MAD1L1: variants seen among roughly 807,000 people sequenced by gnomAD.
MAD1L1 encodes mitotic spindle assembly checkpoint protein MAD1.
Under a neutral mutation model 96.9 loss-of-function variants are expected in MAD1L1, and 95 were observed. That is an observed-to-expected ratio of 0.98 (90% CI 0.83 to 1.16). MAD1L1 has a LOEUF of 1.16. Ranked by LOEUF, MAD1L1 falls within the 50% of genes most tolerant of loss-of-function variation. MAD1L1 has a pLI of 0.00. For missense variants in MAD1L1, 1,007 were observed against 954.4 expected (o/e 1.06, Z -0.73); for synonymous variants, 473 against 396.6 (o/e 1.19, Z -2.29).
chr7:2,164,269 C>A (rs1562745206), intron 10 of MAD1L1, among the ~76,000 whole-genome samples: 1 of 152,124 alleles, frequency 6.6e-6, no homozygotes, highest in Non-Finnish European at 1.5e-5. Context: ...CCGACTGATG[C>A]AAAGGAATGG....
intron 18 of MAD1L1, among the ~76,000 whole-genome samples, chr7:1,897,591 C>T (rs1327102689): frequency 1.3e-5 from 2 of 152,248 alleles, no homozygotes; most frequent in Admixed American, 6.5e-5. Flanking sequence ...CAACACATAA[C>T]ACCCCAATTT....
chr7:2,028,373 C>T (rs1017470086), intron 12 of MAD1L1, among the ~76,000 whole-genome samples: 3 of 144,520 alleles, frequency 2.1e-5, no homozygotes, highest in African/African-American at 5.2e-5. Flanking sequence ...TGCAGTGAGC[C>T]GAGATCATGC....
At chr7:2,216,116 A>C (rs2114994553) in intron 8 of MAD1L1, 41 bp downstream of exon 8, 1 of 1,608,642 alleles carries the variant, frequency 6.2e-7, no homozygotes, top group South Asian at 1.1e-5. Flanking sequence ...ACAAACCCAG[A>C]CTCACTCGAG....
intron 15 of MAD1L1, among the ~76,000 whole-genome samples, chr7:1,977,492 G>A (rs923269274): frequency 4.6e-5 from 7 of 152,130 alleles, no homozygotes; most frequent in African/African-American, 1.2e-4. Context: ...TCCTGCCTGC[G>A]CCTCTCCCTC....
At chr7:2,188,351 A>T (rs1020933156) in intron 10 of MAD1L1, among the ~76,000 whole-genome samples, 2 of 152,238 alleles carry the variant, frequency 1.3e-5, no homozygotes, top group Non-Finnish European at 2.9e-5. Flanking sequence ...TAAAATTCAT[A>T]TGGAATCTCA....
At chr7:1,906,998 G>T (rs568480410) in intron 17 of MAD1L1, among the ~76,000 whole-genome samples, 1 of 152,134 alleles carries the variant, frequency 6.6e-6, no homozygotes, top group Non-Finnish European at 1.5e-5. Context: ...AAGGCAGGCC[G>T]AAGAGAGGCC....
At chr7:1,880,702 G>A (rs772632157) in intron 18 of MAD1L1, among the ~76,000 whole-genome samples, 1 of 152,230 alleles carries the variant, frequency 6.6e-6, no homozygotes, top group Non-Finnish European at 1.5e-5. Context: ...AGTACGGTGT[G>A]GTCAGCAGAA....
At chr7:1,906,662 G>C (rs1263481922) in intron 17 of MAD1L1, among the ~76,000 whole-genome samples, 2 of 152,234 alleles carry the variant, frequency 1.3e-5, no homozygotes, top group Non-Finnish European at 2.9e-5. Flanking sequence ...GGCGCACCCT[G>C]AGCTCAGGTG....
chr7:2,125,427 T>C (rs55784840), intron 11 of MAD1L1, among the ~76,000 whole-genome samples: 4,022 of 152,118 alleles, frequency 0.026, 92 homozygotes, highest in South Asian at 0.069. Flanking sequence ...CTCAAAACAA[T>C]GGGTAGTGAT....
At chr7:2,225,733 G>A (rs1383831505) in intron 3 of MAD1L1, 183 bp from the exon 4 acceptor site, 2 of 635,378 alleles carry the variant, frequency 3.1e-6, no homozygotes, top group African/African-American at 1.8e-5. Flanking sequence ...AAACGGGAAG[G>A]TGAAAAAGCC....
chr7:2,166,237 T>C (rs962860600), intron 10 of MAD1L1, among the ~76,000 whole-genome samples: 11 of 152,198 alleles, frequency 7.2e-5, no homozygotes, highest in African/African-American at 2.7e-4. Context: ...CTCTGAGCTG[T>C]CCACAAGTCA....
At chr7:1,928,307 T>TCCC (rs2128459462) in intron 17 of MAD1L1, among the ~76,000 whole-genome samples, 1 of 148,878 alleles carries the variant, frequency 6.7e-6, no homozygotes. Flanking sequence ...CTGACACTGC[T>TCCC]CCCGACGACC....
chr7:2,225,864 G>A (rs1793867547), intron 3 of MAD1L1, among the ~76,000 whole-genome samples: 1 of 152,220 alleles, frequency 6.6e-6, no homozygotes, highest in African/African-American at 2.4e-5. Context: ...AGACGTAGGT[G>A]GCTGCATTCT....
rs200411813 is a variant in MAD1L1 at position 1,965,399 on chromosome 7, C to A, written c.1506-7680G>T. On this transcript the variant is annotated intron_variant, in intron 15 of 18. Coordinates refer to ENST00000265854, the MANE Select transcript of MAD1L1 (RefSeq NM_001013836.2). The stretch of plus-strand genomic sequence containing the variant: ...CAGACAGGGCTACAATGCCTGGACA[C>A]GTGCCCGGCTCTGGAAGGCCCACCG... Among the ~76,000 whole-genome samples, 9 of 152,224 alleles carry A rather than the reference C, an allele frequency of 5.9e-5. No individual in the cohort carries two copies. In the East Asian group the frequency reaches 1.7e-3, roughly 29 times the overall value.
chr7:1,992,682 G>T (rs536899820), intron 14 of MAD1L1, among the ~76,000 whole-genome samples: 42 of 152,332 alleles, frequency 2.8e-4, no homozygotes, highest in Non-Finnish European at 5.1e-4. Flanking sequence ...TCTGCTGGGG[G>T]AGCTTGGGGA....
intron 11 of MAD1L1, among the ~76,000 whole-genome samples, chr7:2,143,075 A>T (rs1562725804): frequency 6.6e-6 from 1 of 152,130 alleles, no homozygotes; most frequent in East Asian, 1.9e-4. Context: ...ACAGCAGGAC[A>T]CGGTGCCAGT....
At chr7:1,859,751 C>T (rs1347645725) in intron 18 of MAD1L1, among the ~76,000 whole-genome samples, 4 of 152,100 alleles carry the variant, frequency 2.6e-5, no homozygotes, top group African/African-American at 7.2e-5. Context: ...GCAGGGCGGC[C>T]TCTGTTCCCT....
In MAD1L1 at chr7:2,194,069, G is replaced by A. The variant is rs547622193; in HGVS notation, c.986+19143C>T. Among the ~76,000 whole-genome samples, 10 of 148,536 alleles carry A rather than the reference G, an allele frequency of 6.7e-5. No homozygotes were observed. The South Asian group carries it at 1.3e-3, about 19-fold the overall frequency. Reference sequence around the variant, plus strand: ...GGTGATCCTCCTGACTTGGCCTCTCGAGTTGTTGGGACCATGGGTGCGTGC... The same window carrying A: ...GGTGATCCTCCTGACTTGGCCTCTCAAGTTGTTGGGACCATGGGTGCGTGC... On this transcript the variant is annotated intron_variant, in intron 10 of 18. Transcript: ENST00000265854.
chr7:1,866,924 T>C (rs968983669), intron 18 of MAD1L1, among the ~76,000 whole-genome samples: 2 of 152,148 alleles, frequency 1.3e-5, no homozygotes, highest in Non-Finnish European at 2.9e-5. Context: ...CTGCTCTCCA[T>C]GCCCACAGCG....
Sources: allele counts gnomAD v4.1 joint callset (sites outside exome capture counted in the v4.1 genomes callset), GRCh38; gene constraint gnomAD v4.1.1; transcripts MANE v1.5; gene names NCBI Gene and HGNC (gene_info 2026-07-23, HGNC 2026-07-21).